The following HMGCLL1 variants were observed in gnomAD, a reference collection of about 807,000 sequenced individuals.
The protein encoded by HMGCLL1 is 3-hydroxymethyl-3-methylglutaryl-CoA lyase, cytoplasmic.
HMGCLL1 carries 36 observed loss-of-function variants against 39.1 expected under a neutral mutation model. That is an observed-to-expected ratio of 0.92 (90% CI 0.71 to 1.22). The LOEUF (loss-of-function observed/expected upper bound fraction) is 1.22. Ranked by LOEUF, HMGCLL1 falls within the 50% of genes most tolerant of loss-of-function variation. HMGCLL1 has a pLI of 0.00. For synonymous variants in HMGCLL1, 149 were observed against 144.0 expected, an observed-to-expected ratio of 1.03 and a Z score of -0.25; for missense variants, 451 against 416.5, an observed-to-expected ratio of 1.08 and a Z score of -0.72.
intron 7 of HMGCLL1, among the ~76,000 whole-genome samples, chr6:55,450,314 G>T (rs1023277743): frequency 6.6e-6 from 1 of 152,200 alleles, no homozygotes; most frequent in Non-Finnish European, 1.5e-5. Context: ...GCTGGCAGAA[G>T]ATTTCAAAAC....
chr6:55,542,000 T>G (rs889923126), intron 2 of HMGCLL1, 60 bp downstream of exon 2: 2 of 1,162,678 alleles, frequency 1.7e-6, no homozygotes, highest in African/African-American at 3.1e-5. Context: ...CATGTAAATC[T>G]TTACAATCTT....
At chr6:55,601,617 TCA>T in the HMGCLL1 span, among the ~76,000 whole-genome samples, 1 of 152,168 alleles carries the variant, frequency 6.6e-6, no homozygotes, top group African/African-American at 2.4e-5. Flanking sequence ...ATTTTTTAAA[TCA>T]GTCTACCACA....
chr6:55,649,248 G>C, the HMGCLL1 span, among the ~76,000 whole-genome samples: 337 of 152,058 alleles, frequency 2.2e-3, no homozygotes, highest in African/African-American at 7.6e-3. Context: ...ATTTCCCTTA[G>C]CATTTCTTGT....
chr6:55,439,861 A>G (rs1177558045), intron 7 of HMGCLL1: 2 of 237,164 alleles, frequency 8.4e-6, no homozygotes, highest in Non-Finnish European at 1.6e-5. Flanking sequence ...AGCTTAGAGT[A>G]AGGTTAATTT....
At position 55,434,521 on chromosome 6, in the gene HMGCLL1, A is replaced by G. The variant is rs1275529042; in HGVS notation, c.*1141T>C. 1.3e-5 allele frequency: 2 copies of G among 152,102 alleles called. No individual in the cohort carries two copies. Among genetic ancestry groups the G allele is most frequent in the Non-Finnish European group, 2.9e-5 (2 of 67,992 alleles). The allele number at this position is 152,102 out of a possible 1,614,324, so 9.4% of individuals were successfully genotyped here. A position where few individuals can be genotyped will look rare whatever the true frequency, so the allele number is the denominator to read the frequency against. ...TATTAGAGAAGTCTCTCTAAATACT[A>G]GAACTGACATTTCAGATCCATTTGT... On this transcript the variant is annotated 3_prime_UTR_variant, in exon 9 of 9. Coordinates refer to ENST00000274901, the MANE Select transcript of HMGCLL1 (RefSeq NM_001042406.2).
At chr6:55,445,812 A>G (rs1763803987) in intron 7 of HMGCLL1, among the ~76,000 whole-genome samples, 1 of 152,076 alleles carries the variant, frequency 6.6e-6, no homozygotes, top group Non-Finnish European at 1.5e-5. Context: ...TAGATGAGTA[A>G]CCACAAGGTG....
chr6:55,659,368 C>G, the HMGCLL1 span, among the ~76,000 whole-genome samples: 1 of 151,918 alleles, frequency 6.6e-6, no homozygotes, highest in Non-Finnish European at 1.5e-5. Flanking sequence ...CAAAGATTCT[C>G]TGGGCTGAAA....
chr6:55,548,813 T>C (rs1314067500), intron 1 of HMGCLL1, among the ~76,000 whole-genome samples: 3 of 149,802 alleles, frequency 2.0e-5, no homozygotes, highest in Non-Finnish European at 4.4e-5. Context: ...ATGAAGAATA[T>C]TAAGTTTATA....
chr6:55,662,355 A>G, the HMGCLL1 span, among the ~76,000 whole-genome samples: 1 of 151,168 alleles, frequency 6.6e-6, no homozygotes, highest in African/African-American at 2.4e-5. Context: ...TTAAGGTATA[A>G]TCCTTCAATG....
chr6:55,533,439 T>C (rs1288334072), intron 3 of HMGCLL1, among the ~76,000 whole-genome samples: 1 of 152,148 alleles, frequency 6.6e-6, no homozygotes, highest in Non-Finnish European at 1.5e-5. Context: ...GCAACAAAAA[T>C]CTAATTGCTA....
chr6:55,445,286 A>C (rs533841236), intron 7 of HMGCLL1, among the ~76,000 whole-genome samples: 6 of 151,862 alleles, frequency 4.0e-5, no homozygotes, highest in Non-Finnish European at 8.8e-5. Flanking sequence ...TTTCTAAACG[A>C]GCTGCTTTGG....
At chr6:55,654,944 C>T in the HMGCLL1 span, among the ~76,000 whole-genome samples, 1 of 151,834 alleles carries the variant, frequency 6.6e-6, no homozygotes, top group Non-Finnish European at 1.5e-5. Flanking sequence ...CAATGAATTC[C>T]ATTGAAAAAT....
At chr6:55,621,025 ACT>A in the HMGCLL1 span, among the ~76,000 whole-genome samples, 2 of 151,540 alleles carry the variant, frequency 1.3e-5, no homozygotes. Flanking sequence ...GGTTACTAGA[ACT>A]CTGCAGTATA....
chr6:55,561,718 A>G (rs937916813), intron 1 of HMGCLL1, among the ~76,000 whole-genome samples: 3 of 152,216 alleles, frequency 2.0e-5, no homozygotes, highest in Non-Finnish European at 4.4e-5. Context: ...AGTATAATGC[A>G]GCACATATAA....
chr6:55,650,127 A>T, the HMGCLL1 span, among the ~76,000 whole-genome samples: 4 of 76,796 alleles, frequency 5.2e-5, no homozygotes, highest in African/African-American at 2.3e-4. Flanking sequence ...ATATATATAT[A>T]TATATATACA....
At chr6:55,451,552 A>AAAAAACAAAAAC (rs374143147) in intron 7 of HMGCLL1, among the ~76,000 whole-genome samples, 1 of 146,554 alleles carries the variant, frequency 6.8e-6, no homozygotes, top group Non-Finnish European at 1.5e-5. Context: ...TCCATCTCCA[A>AAAAAACAAAAAC]AAAAACAAAA....
chr6:55,521,140 T>A (rs992283312), intron 3 of HMGCLL1, among the ~76,000 whole-genome samples: 25 of 152,118 alleles, frequency 1.6e-4, no homozygotes, highest in African/African-American at 5.8e-4. Context: ...CTATAATGTG[T>A]TCCAAATATT....
intron 7 of HMGCLL1, among the ~76,000 whole-genome samples, chr6:55,489,015 T>TA (rs1045838501): frequency 2.6e-5 from 4 of 151,920 alleles, no homozygotes; most frequent in African/African-American, 4.8e-5. Context: ...TACATTAAGC[T>TA]AAAAAAACAG....
At chr6:55,578,789 G>A (rs1771885037) in intron 1 of HMGCLL1, among the ~76,000 whole-genome samples, 159 bp downstream of exon 1, 1 of 152,182 alleles carries the variant, frequency 6.6e-6, no homozygotes, top group Non-Finnish European at 1.5e-5. Context: ...ACGGGAAACC[G>A]TTTAAGGGGT....
Sources: gnomAD v4.1 joint callset for allele counts (sites outside exome capture counted in the v4.1 genomes callset) on GRCh38, gnomAD v4.1.1 for gene constraint, MANE v1.5 for transcripts, NCBI Gene and HGNC (gene_info 2026-07-23, HGNC 2026-07-21) for gene names.